Variants in DSCAM observed in about 807,000 individuals in gnomAD.
DSCAM encodes the protein DS cell adhesion molecule, also known as cell adhesion molecule DSCAM.
DSCAM carries 47 observed loss-of-function variants against 217.7 expected under a neutral mutation model. That is an observed-to-expected ratio of 0.22 (90% CI 0.17 to 0.28). The LOEUF (loss-of-function observed/expected upper bound fraction) is 0.28. DSCAM is among the 10% of genes least tolerant of loss of function. The probability of loss-of-function intolerance (pLI) is 1.00; values close to 1 mark genes in which losing one functional copy is unlikely to be tolerated. For synonymous variants in DSCAM, 1,056 were observed against 1,015.3 expected, an observed-to-expected ratio of 1.04 and a Z score of -0.76; for missense variants, 2,080 against 2,618.3, an observed-to-expected ratio of 0.79 and a Z score of 4.49.
At chr21:40,410,189 A>G (rs1055462199) in intron 3 of DSCAM, among the ~76,000 whole-genome samples, 2 of 152,150 alleles carry the variant, frequency 1.3e-5, no homozygotes, top group Admixed American at 6.6e-5. Context: ...ACTTTAGAAG[A>G]TAAGAAATTT....
At chr21:40,436,498 T>C (rs1322501798) in intron 3 of DSCAM, among the ~76,000 whole-genome samples, 2 of 152,140 alleles carry the variant, frequency 1.3e-5, no homozygotes, top group Non-Finnish European at 1.5e-5. Context: ...TACATTTAGA[T>C]TAGGAAATCT....
At position 40,142,534 on chromosome 21, in the gene DSCAM, A is replaced by G. The variant is rs376629118; in HGVS notation, c.3406+24T>C. 4 of 1,611,838 alleles carry G rather than the reference A, an allele frequency of 2.5e-6. No individual in the cohort carries two copies. In the African/African-American group the frequency reaches 5.3e-5, roughly 22 times the overall value. ...TCATGCATTCTCTGGAGGCAAACCC[A>G]AAGTCCTAGTTTAGTCCTCTTACCT... On this transcript the variant is annotated intron_variant, in intron 18 of 32. Transcript: ENST00000400454.
At position 40,830,704 on chromosome 21, in the gene DSCAM, C is replaced by A. The variant is rs114867188; in HGVS notation, c.43+15915G>T. ...AAAGTGGAAATAATACCAACAGGCA[C>A]CTCAAAGACTTGTTTGTCAATTAAA... is the stretch of plus-strand genomic sequence containing the variant. On this transcript the variant is annotated intron_variant, in intron 1 of 32. Coordinates refer to ENST00000400454, the MANE Select transcript of DSCAM (RefSeq NM_001389.5). Among the ~76,000 whole-genome samples the A allele has an allele frequency of 6.4e-3, 974 of 152,270 alleles. 12 individuals are homozygous for A. Among genetic ancestry groups the A allele is most frequent in the African/African-American group, 0.022 (926 of 41,540 alleles).
At chr21:40,499,546 C>A (rs1014934012) in intron 3 of DSCAM, among the ~76,000 whole-genome samples, 9 of 152,174 alleles carry the variant, frequency 5.9e-5, no homozygotes, top group Admixed American at 2.0e-4. Flanking sequence ...CTATGTGGGA[C>A]AAACTATGAT....
chr21:40,281,191 T>G (rs1031828846), intron 10 of DSCAM, among the ~76,000 whole-genome samples: 7 of 152,142 alleles, frequency 4.6e-5, no homozygotes, highest in African/African-American at 1.7e-4. Context: ...CGTGTAAAAT[T>G]AGGTAAGTTA....
chr21:40,271,324 G>T lies in DSCAM; in HGVS notation c.2356+4773C>A, dbSNP rs374115111. 2.8e-4 allele frequency among the ~76,000 whole-genome samples: 43 copies of T among 152,252 alleles called. No homozygotes were observed. The South Asian group carries it at 6.0e-3, about 21-fold the overall frequency. On this transcript the variant is annotated intron_variant, in intron 11 of 32. Transcript: ENST00000400454. ...AAGCGCCTGTTCCTGTTTGATAAGC[G>T]GTGCTCTTTTGTCCTGCATGCAGGG...
rs140117697 is a variant in DSCAM at position 40,155,305 on chromosome 21, A to G, written c.3019-10574T>C. On this transcript the variant is annotated intron_variant, in intron 16 of 32. Coordinates refer to ENST00000400454, the MANE Select transcript of DSCAM (RefSeq NM_001389.5). ...CCCCACCTAGCTCCCGCGCCCAACA[A>G]TGGGGACCTAGAGGGTGCACTCTGA... 4.0e-3 allele frequency among the ~76,000 whole-genome samples: 614 copies of G among 152,178 alleles called. 7 individuals carry two copies. The highest frequency in any genetic ancestry group is 0.014 in the African/African-American group (588 of 41,556).
At chr21:40,308,308 G>T (rs1239888345) in intron 9 of DSCAM, among the ~76,000 whole-genome samples, 2 of 152,030 alleles carry the variant, frequency 1.3e-5, no homozygotes, top group African/African-American at 2.4e-5. Context: ...GCTCTTTTAG[G>T]GCTGGTCTAG....
chr21:40,494,696 G>C lies in DSCAM; in HGVS notation c.509-125451C>G, dbSNP rs112666574. On this transcript the variant is annotated intron_variant, in intron 3 of 32. Coordinates refer to ENST00000400454, the MANE Select transcript of DSCAM (RefSeq NM_001389.5). The stretch of plus-strand genomic sequence containing the variant: ...CAAATAACCTAAAGTTACACTTCAA[G>C]GAACAAGAAAAAGGAGAACAAACTA... 3.8e-3 allele frequency among the ~76,000 whole-genome samples: 569 copies of C among 151,160 alleles called. 1 individual carries two copies. The highest frequency in any genetic ancestry group is 0.012 in the African/African-American group (508 of 41,274).
At chr21:40,576,451 T>C (rs8128612) in intron 3 of DSCAM, among the ~76,000 whole-genome samples, 5,750 of 152,262 alleles carry the variant, frequency 0.038, 310 homozygotes, top group African/African-American at 0.12. Context: ...TTGGGGACAG[T>C]TAACTGAATG....
chr21:40,511,990 C>CAAAAAA (rs780829574), intron 3 of DSCAM, among the ~76,000 whole-genome samples: 4,735 of 26,574 alleles, frequency 0.18, 388 homozygotes, highest in Non-Finnish European at 0.23. Context: ...GACTCTGTCT[C>CAAAAAA]AAAAAAAAAA....
At chr21:40,405,669 A>C (rs1021145222) in intron 3 of DSCAM, among the ~76,000 whole-genome samples, 5 of 152,212 alleles carry the variant, frequency 3.3e-5, no homozygotes, top group Non-Finnish European at 7.3e-5. Flanking sequence ...TCTAATTAAA[A>C]AATGGGGACT....
At chr21:40,112,384 A>G (rs1054810456) in intron 20 of DSCAM, among the ~76,000 whole-genome samples, 18 of 152,102 alleles carry the variant, frequency 1.2e-4, no homozygotes, top group African/African-American at 4.1e-4. Flanking sequence ...CAAAGACACA[A>G]CATACCAGAA....
intron 20 of DSCAM, among the ~76,000 whole-genome samples, chr21:40,101,873 A>T (rs1188423063): frequency 6.6e-6 from 1 of 152,126 alleles, no homozygotes; most frequent in Non-Finnish European, 1.5e-5. Context: ...GGACCCCATG[A>T]GCCAGACATA....
intron 20 of DSCAM, among the ~76,000 whole-genome samples, chr21:40,113,461 G>A (rs868214649): frequency 7.2e-5 from 11 of 152,164 alleles, no homozygotes; most frequent in Non-Finnish European, 1.6e-4. Context: ...ATATCATACT[G>A]AATGGGCAAA....
chr21:40,818,211 G>A (rs1483915073), intron 1 of DSCAM, among the ~76,000 whole-genome samples: 1 of 151,466 alleles, frequency 6.6e-6, no homozygotes, highest in African/African-American at 2.4e-5. Flanking sequence ...CCTGGATGGA[G>A]GCACCCCGCC....
chr21:40,080,986 G>C (rs1016402557), intron 24 of DSCAM, among the ~76,000 whole-genome samples: 37 of 152,164 alleles, frequency 2.4e-4, no homozygotes, highest in Admixed American at 2.4e-3. Flanking sequence ...TCCATGCCAA[G>C]CCCTGTCCTA....
At chr21:40,714,611 T>C (rs943893504) in intron 1 of DSCAM, among the ~76,000 whole-genome samples, 2 of 152,222 alleles carry the variant, frequency 1.3e-5, no homozygotes, top group Admixed American at 6.5e-5. Context: ...CACCATCGAA[T>C]TTTGGAATTA....
chr21:40,109,558 C>T (rs566209390), intron 20 of DSCAM, among the ~76,000 whole-genome samples: 53 of 152,294 alleles, frequency 3.5e-4, no homozygotes, highest in African/African-American at 1.0e-3. Context: ...TGGGGAGTGT[C>T]GGACAGTGGA....
Sources: gnomAD v4.1 joint callset for allele counts (sites outside exome capture counted in the v4.1 genomes callset) on GRCh38, gnomAD v4.1.1 for gene constraint, MANE v1.5 for transcripts, NCBI Gene and HGNC (gene_info 2026-07-23, HGNC 2026-07-21) for gene names.